The following FBN1 variants were observed in gnomAD, a reference collection of about 807,000 sequenced individuals.
FBN1 encodes fibrillin-1.
FBN1 carries 29 observed loss-of-function variants against 365.1 expected under a neutral mutation model. The observed-to-expected ratio is 0.08, with a 90% confidence interval of 0.06 to 0.11. FBN1 has a LOEUF of 0.11. Ranked by LOEUF, FBN1 falls within the 10% of genes least tolerant of loss-of-function variation. The probability of loss-of-function intolerance (pLI) is 1.00; values close to 1 mark genes in which losing one functional copy is unlikely to be tolerated. For synonymous variants in FBN1, 1,210 were observed against 1,270.5 expected, an observed-to-expected ratio of 0.95 and a Z score of 1.01; for missense variants, 2,476 against 3,703.2, an observed-to-expected ratio of 0.67 and a Z score of 8.60.
At chr15:48,435,598 A>G (rs1330262473) in intron 53 of FBN1, among the ~76,000 whole-genome samples, 1 of 152,072 alleles carries the variant, frequency 6.6e-6, no homozygotes, top group Non-Finnish European at 1.5e-5. Context: ...GCTAGAAAAA[A>G]ATATGTTTAG....
At chr15:48,440,899 TG>T (rs1566897113) in intron 50 of FBN1, among the ~76,000 whole-genome samples, 6 of 133,882 alleles carry the variant, frequency 4.5e-5, no homozygotes, top group Admixed American at 2.9e-4. Flanking sequence ...CAAAAAACCA[TG>T]AAAAAAAAAA....
At chr15:48,618,415 C>G (rs1889700500) in intron 2 of FBN1, among the ~76,000 whole-genome samples, 1 of 152,156 alleles carries the variant, frequency 6.6e-6, no homozygotes. Context: ...ACGAACCTTT[C>G]AAATATTCCC....
intron 6 of FBN1, among the ~76,000 whole-genome samples, 165 bp downstream of exon 6, chr15:48,596,118 G>A (rs969736866): frequency 6.6e-6 from 1 of 152,118 alleles, no homozygotes; most frequent in East Asian, 1.9e-4. Flanking sequence ...ATAGATTCAG[G>A]GCCGCTGTCT....
At chr15:48,438,132 AATTT>A (rs2043087475) in intron 50 of FBN1, among the ~76,000 whole-genome samples, 2 of 152,136 alleles carry the variant, frequency 1.3e-5, no homozygotes, top group Admixed American at 1.3e-4. Flanking sequence ...TATGAACTTA[AATTT>A]ATTACTTCTC....
chr15:48,447,597 T>C (rs1597534376), intron 46 of FBN1, among the ~76,000 whole-genome samples: 2 of 152,174 alleles, frequency 1.3e-5, no homozygotes, highest in East Asian at 1.9e-4. Context: ...AATAAAAAAT[T>C]TAATGAAAGA....
intron 15 of FBN1, 147 bp downstream of exon 15, chr15:48,508,435 T>G: frequency 1.1e-6 from 1 of 927,848 alleles, no homozygotes; most frequent in South Asian, 1.4e-5. Flanking sequence ...TGGCTGGATT[T>G]AAGAAGGAGT....
intron 8 of FBN1, among the ~76,000 whole-genome samples, chr15:48,529,917 G>A (rs1299714204): frequency 8.5e-4 from 74 of 87,084 alleles, no homozygotes; most frequent in Non-Finnish European, 1.3e-3. Context: ...TCCGCCGCCC[G>A]ATCACAACTT....
rs758350385 is a variant in FBN1 at position 48,551,842 on chromosome 15, C to G, written c.539-14034G>C. 7.2e-5 allele frequency among the ~76,000 whole-genome samples: 11 copies of G among 152,118 alleles called. No homozygotes were observed. The South Asian group carries it at 8.3e-4, about 11-fold the overall frequency. On this transcript the variant is annotated intron_variant, in intron 6 of 65. Transcript: ENST00000316623. ...GCTCTATCCATGTCCTTGCAAAGTTCCCTTTTATGGCTGTATAGTATTCCA... is the reference window on the plus strand; with the variant it reads ...GCTCTATCCATGTCCTTGCAAAGTTGCCTTTTATGGCTGTATAGTATTCCA...
intron 6 of FBN1, among the ~76,000 whole-genome samples, chr15:48,583,441 C>G (rs2044411502): frequency 6.6e-6 from 1 of 152,198 alleles, no homozygotes; most frequent in Non-Finnish European, 1.5e-5. Flanking sequence ...GCATCCCCCA[C>G]TCCCATCCAA....
rs77179890 is a variant in FBN1, at chr15:48,617,166, G to T, written c.165-4074C>A. ...AAGCACAGCATAAACTGTTTTGGGGGTTTTTTTTTGCTTTTTTGTTTTTTT... is the reference window on the plus strand; with the variant it reads ...AAGCACAGCATAAACTGTTTTGGGGTTTTTTTTTTGCTTTTTTGTTTTTTT... On this transcript the variant is annotated intron_variant, in intron 2 of 65. Transcript: ENST00000316623. Among the ~76,000 whole-genome samples, 1,410 of 150,498 alleles carry T rather than the reference G, an allele frequency of 9.4e-3. 16 individuals are homozygous for T. Among genetic ancestry groups the T allele is most frequent in the African/African-American group, 0.029 (1,194 of 41,028 alleles).
chr15:48,644,819 C>A lies in FBN1; in HGVS notation c.-50G>T, dbSNP rs770553509. On this transcript the variant is annotated 5_prime_UTR_variant, in exon 2 of 66. Coordinates refer to ENST00000316623, the MANE Select transcript of FBN1 (RefSeq NM_000138.5). ...GCCGCCTCTTGCCGCGCCCGGGGCT[C>A]GGTCTGCGGCCGCCGCTGCGCCCTG... 70 of 1,568,772 alleles carry A rather than the reference C, an allele frequency of 4.5e-5. No individual in the cohort carries two copies. The highest frequency in any genetic ancestry group is 6.0e-5 in the Non-Finnish European group (70 of 1,162,192).
chr15:48,418,776 T>C (rs142606356), intron 63 of FBN1, among the ~76,000 whole-genome samples: 1 of 152,314 alleles, frequency 6.6e-6, no homozygotes, highest in Non-Finnish European at 1.5e-5. Flanking sequence ...TAAAAGTGGA[T>C]TGAAACCCAC....
At position 48,441,836 on chromosome 15, in the gene FBN1, C is replaced by T. The variant is rs991367684; in HGVS notation, c.6048G>A (p.Glu2016=). The part of the protein sequence containing the change: ...LQNEKCEDID[E]CVEEPEICAL... The stretch of plus-strand genomic sequence containing the variant: ...CACAAATTTCTGGCTCTTCGACACA[C>T]TCATCAATATCTAAAAGAATCACAT... The change falls in exon 50 of 66, where the codon GAG becomes GAA. Residue 2016 remains glutamate (E), a synonymous_variant. Transcript: ENST00000316623. 1.2e-6 allele frequency: 2 copies of T among 1,613,448 alleles called. No homozygotes were observed. Among genetic ancestry groups the T allele is most frequent in the Non-Finnish European group, 1.7e-6 (2 of 1,179,594 alleles).
At position 48,613,021 on chromosome 15, in the gene FBN1, T is replaced by A. The variant is rs1338775496; in HGVS notation, c.236A>T (p.Gln79Leu). The part of the protein sequence containing the change: ...PGWKTLPGGN[Q>L]CIVPICRHSC... ...TTCTATTTACTTACGGACAATACAC[T>A]GATTTCCGCCAGGTAAGGTTTTCCA... The change falls in exon 3 of 66, where the codon CAG (glutamine) becomes CTG (leucine). Residue 79 changes from glutamine to leucine, a missense_variant. Transcript: ENST00000316623. The A allele has an allele frequency of 6.2e-7, 1 of 1,612,666 alleles. No homozygotes were observed. Among genetic ancestry groups the A allele is most frequent in the Non-Finnish European group, 8.5e-7 (1 of 1,179,014 alleles).
chr15:48,613,178 G>A, intron 2 of FBN1, 86 bp from the exon 3 acceptor site: 1 of 1,020,596 alleles, frequency 9.8e-7, no homozygotes, highest in South Asian at 1.3e-5. Flanking sequence ...AAATTCCTGA[G>A]TTATAAAAGC....
intron 4 of FBN1, among the ~76,000 whole-genome samples, chr15:48,602,224 C>G (rs2044573264): frequency 6.6e-6 from 1 of 152,190 alleles, no homozygotes. Flanking sequence ...TTCCGCTAAT[C>G]TTTTCTGATA....
intron 15 of FBN1, 52 bp from the exon 16 acceptor site, chr15:48,505,199 T>TAA: frequency 3.1e-6 from 5 of 1,608,918 alleles, no homozygotes; most frequent in Non-Finnish European, 4.3e-6. Flanking sequence ...TATCTAAAAT[T>TAA]ATAACATGTT....
chr15:48,452,737 C>T, intron 44 of FBN1, 53 bp from the exon 45 acceptor site: 6 of 1,602,500 alleles, frequency 3.7e-6, no homozygotes, highest in Non-Finnish European at 5.1e-6. Flanking sequence ...GGTGTCCAGT[C>T]AACAAAGCCT....
At chr15:48,526,097 C>G (rs753244085) in intron 9 of FBN1, 33 bp downstream of exon 9, 6 of 1,613,732 alleles carry the variant, frequency 3.7e-6, no homozygotes, top group East Asian at 2.2e-5. Flanking sequence ...CTGACTTACA[C>G]AAACCATGCA....
Sources: allele counts gnomAD v4.1 joint callset (sites outside exome capture counted in the v4.1 genomes callset), GRCh38; gene constraint gnomAD v4.1.1; transcripts MANE v1.5; gene names NCBI Gene and HGNC (gene_info 2026-07-23, HGNC 2026-07-21).